SAMD5: variants seen among roughly 807,000 people sequenced by gnomAD.
The protein encoded by SAMD5 is sterile alpha motif domain containing 5.
In SAMD5, 13 loss-of-function variants were observed where a neutral mutation model predicts 11.3. The ratio of observed to expected loss-of-function variants is 1.15; its 90% CI spans 0.75 to 1.83. The LOEUF is 1.83. Ranked by LOEUF, SAMD5 falls within the 40% of genes most tolerant of loss-of-function variation. SAMD5 has a pLI of 0.00. For missense variants in SAMD5, 255 were observed against 239.1 expected, an observed-to-expected ratio of 1.07 and a Z score of -0.44; for synonymous variants, 129 against 111.3, an observed-to-expected ratio of 1.16 and a Z score of -1.00.
intron 1 of SAMD5, among the ~76,000 whole-genome samples, chr6:147,618,954 A>G (rs907848819): frequency 6.6e-6 from 1 of 152,252 alleles, no homozygotes; most frequent in South Asian, 2.1e-4. Context: ...TTGCAAAAAC[A>G]TAGCAAAAAT....
At chr6:147,895,289 C>T in the SAMD5 span, among the ~76,000 whole-genome samples, 2 of 152,066 alleles carry the variant, frequency 1.3e-5, no homozygotes, top group African/African-American at 2.4e-5. Context: ...TGGAAAATGC[C>T]CTTGTTACAG....
At chr6:147,550,211 C>T (rs902544738) in intron 1 of SAMD5, among the ~76,000 whole-genome samples, 7 of 151,988 alleles carry the variant, frequency 4.6e-5, no homozygotes, top group Non-Finnish European at 8.8e-5. Flanking sequence ...GCACTAGAGC[C>T]GGGGCAACAG....
chr6:147,800,423 C>T, the SAMD5 span, among the ~76,000 whole-genome samples: 17 of 151,994 alleles, frequency 1.1e-4, no homozygotes, highest in South Asian at 2.9e-3. Context: ...GCAGTCTGCC[C>T]GTTCTCAGAT....
intron 1 of SAMD5, among the ~76,000 whole-genome samples, chr6:147,708,451 C>T (rs1156759880): frequency 6.6e-6 from 1 of 152,098 alleles, no homozygotes; most frequent in Non-Finnish European, 1.5e-5. Context: ...TTATGGCAGC[C>T]CTTGCAAATG....
chr6:147,743,296 A>G, the SAMD5 span: 1 of 152,376 alleles, frequency 6.6e-6, no homozygotes, highest in South Asian at 2.1e-4. Flanking sequence ...TTACAAGGTC[A>G]GAAAATCAAG....
At chr6:147,729,551 A>C (rs1203975655) in intron 1 of SAMD5, among the ~76,000 whole-genome samples, 2 of 142,154 alleles carry the variant, frequency 1.4e-5, no homozygotes, top group Admixed American at 1.4e-4. Flanking sequence ...AACAAAGAAC[A>C]ACAAAATATG....
the SAMD5 span, among the ~76,000 whole-genome samples, chr6:147,849,977 T>A: frequency 6.6e-6 from 1 of 152,236 alleles, no homozygotes; most frequent in Admixed American, 6.5e-5. Flanking sequence ...TGTGTTGTGA[T>A]GAAAATGAGA....
intron 1 of SAMD5, among the ~76,000 whole-genome samples, chr6:147,575,477 A>G (rs1398498620): frequency 6.6e-6 from 1 of 152,262 alleles, no homozygotes; most frequent in Non-Finnish European, 1.5e-5. Context: ...GTGTTTGCAC[A>G]TTGTGGCAAC....
chr6:147,662,574 A>G (rs1002278790), intron 1 of SAMD5, among the ~76,000 whole-genome samples: 3 of 152,194 alleles, frequency 2.0e-5, no homozygotes, highest in Non-Finnish European at 4.4e-5. Context: ...AATAAATGAA[A>G]TCCCCCTGGA....
the SAMD5 span, among the ~76,000 whole-genome samples, chr6:147,853,314 C>G: frequency 6.6e-6 from 1 of 151,968 alleles, no homozygotes; most frequent in Admixed American, 6.6e-5. Context: ...GCCCTGTGAA[C>G]GATTAGGGTG....
At chr6:147,790,823 T>TCTCTCTCC in the SAMD5 span, among the ~76,000 whole-genome samples, 1 of 134,812 alleles carries the variant, frequency 7.4e-6, no homozygotes, top group East Asian at 2.3e-4. Flanking sequence ...TCTCTCTCTC[T>TCTCTCTCC]CTCTTCTCTG....
intron 1 of SAMD5, among the ~76,000 whole-genome samples, chr6:147,612,226 G>A (rs1789798441): frequency 6.6e-6 from 1 of 152,102 alleles, no homozygotes; most frequent in Non-Finnish European, 1.5e-5. Flanking sequence ...GGTGACACAT[G>A]GAGGAACACT....
chr6:147,687,238 C>T (rs529018020), intron 1 of SAMD5, among the ~76,000 whole-genome samples: 31 of 149,938 alleles, frequency 2.1e-4, no homozygotes, highest in Non-Finnish European at 4.0e-4. Context: ...TATCCTCCCT[C>T]CCTCTCTCCC....
chr6:147,789,514 G>A, the SAMD5 span, among the ~76,000 whole-genome samples: 2 of 152,074 alleles, frequency 1.3e-5, no homozygotes, highest in Non-Finnish European at 2.9e-5. Context: ...TTATTGAAAA[G>A]TTGCAAAAAG....
the SAMD5 span, among the ~76,000 whole-genome samples, chr6:147,828,291 G>T: frequency 0.051 from 7,747 of 152,222 alleles, 659 homozygotes; most frequent in African/African-American, 0.18. Context: ...GGAAGGCTGG[G>T]AACCCAAAAT....
intron 1 of SAMD5, among the ~76,000 whole-genome samples, chr6:147,716,348 G>A (rs1418605380): frequency 6.6e-6 from 1 of 152,246 alleles, no homozygotes; most frequent in African/African-American, 2.4e-5. Flanking sequence ...GGTGCTAGGA[G>A]CAGGGAGAGG....
At chr6:147,558,539 C>A (rs189495281) in intron 1 of SAMD5, among the ~76,000 whole-genome samples, 76 of 152,228 alleles carry the variant, frequency 5.0e-4, no homozygotes, top group African/African-American at 1.7e-3. Flanking sequence ...AACCTGCCCT[C>A]CTGCAGCTGT....
chr6:147,522,829 C>T (rs1788274910), intron 1 of SAMD5, among the ~76,000 whole-genome samples: 1 of 152,196 alleles, frequency 6.6e-6, no homozygotes, highest in African/African-American at 2.4e-5. Flanking sequence ...ACCAGCACCC[C>T]TGTTGCTCAA....
intron 1 of SAMD5, among the ~76,000 whole-genome samples, chr6:147,685,359 A>G (rs1790994434): frequency 6.6e-6 from 1 of 152,058 alleles, no homozygotes; most frequent in Non-Finnish European, 1.5e-5. Context: ...TTTTTAGTAG[A>G]GACAGGATTT....
Sources: allele counts gnomAD v4.1 joint callset (sites outside exome capture counted in the v4.1 genomes callset), GRCh38; gene constraint gnomAD v4.1.1; transcripts MANE v1.5; gene names NCBI Gene and HGNC (gene_info 2026-07-23, HGNC 2026-07-21).